HHAT: variants seen among roughly 807,000 people sequenced by gnomAD.
HHAT encodes the protein hedgehog acyltransferase, also known as protein-cysteine N-palmitoyltransferase HHAT.
A neutral mutation model predicts 70.8 loss-of-function variants in HHAT; 47 were observed. The ratio of observed to expected loss-of-function variants is 0.66; its 90% CI spans 0.53 to 0.85. The LOEUF (loss-of-function observed/expected upper bound fraction) is 0.85, where lower values mean the gene tolerates loss of function less well. Among genes scored for constraint, HHAT ranks in the 40% least tolerant of loss-of-function variants. The pLI is 0.00. For synonymous variants in HHAT, 228 were observed against 247.6 expected (o/e 0.92, Z 0.74); for missense variants, 609 against 604.8 (o/e 1.01, Z -0.07).
At chr1:210,569,750 G>A (rs1655770265) in intron 9 of HHAT, among the ~76,000 whole-genome samples, 1 of 151,996 alleles carries the variant, frequency 6.6e-6, no homozygotes, top group African/African-American at 2.4e-5. Context: ...CCTGTCCCTG[G>A]GAGCCACCCC....
chr1:210,380,725 T>G (rs2090569356), intron 3 of HHAT, among the ~76,000 whole-genome samples: 1 of 152,060 alleles, frequency 6.6e-6, no homozygotes, highest in African/African-American at 2.4e-5. Flanking sequence ...AGATATGTCC[T>G]CATTCACATG....
chr1:210,541,695 A>G (rs1236392892), intron 9 of HHAT, among the ~76,000 whole-genome samples: 1 of 152,138 alleles, frequency 6.6e-6, no homozygotes, highest in Non-Finnish European at 1.5e-5. Flanking sequence ...CCACTGCACT[A>G]CAGCCTGGGT....
At chr1:210,591,039 C>T (rs1661586848) in intron 10 of HHAT, among the ~76,000 whole-genome samples, 1 of 152,120 alleles carries the variant, frequency 6.6e-6, no homozygotes, top group Non-Finnish European at 1.5e-5. Flanking sequence ...TATCCATCAT[C>T]TCAAGCATCT....
At chr1:210,454,135 G>T (rs895233988) in intron 7 of HHAT, among the ~76,000 whole-genome samples, 1 of 152,206 alleles carries the variant, frequency 6.6e-6, no homozygotes, top group Non-Finnish European at 1.5e-5. Context: ...GGTTCCTCCT[G>T]CAACACATGG....
chr1:210,659,603 G>C (rs1041629901), intron 11 of HHAT, among the ~76,000 whole-genome samples: 1 of 152,306 alleles, frequency 6.6e-6, no homozygotes, highest in African/African-American at 2.4e-5. Flanking sequence ...AAGCCTGCCA[G>C]AGACACAACA....
At chr1:210,353,493 C>T (rs1288800648) in intron 2 of HHAT, among the ~76,000 whole-genome samples, 1 of 135,248 alleles carries the variant, frequency 7.4e-6, no homozygotes, top group East Asian at 2.2e-4. Flanking sequence ...TTGACTATTT[C>T]AGTTTACCAC....
intron 10 of HHAT, among the ~76,000 whole-genome samples, chr1:210,596,000 T>G (rs1234168219): frequency 6.6e-6 from 1 of 152,230 alleles, no homozygotes; most frequent in African/African-American, 2.4e-5. Flanking sequence ...ATTTTGGCTT[T>G]TGTTGCCATT....
chr1:210,437,687 G>T (rs1361962038), intron 7 of HHAT, among the ~76,000 whole-genome samples: 2 of 151,754 alleles, frequency 1.3e-5, no homozygotes, highest in African/African-American at 2.4e-5. Context: ...AGACTGCCGG[G>T]CCCTTTTGTT....
At chr1:210,337,877 C>T in intron 1 of HHAT, among the ~76,000 whole-genome samples, 2 of 152,334 alleles carry the variant, frequency 1.3e-5, no homozygotes. Flanking sequence ...AAAGAGCACA[C>T]TTCCTGGTTG....
At chr1:210,369,898 T>G (rs896195848) in intron 3 of HHAT, 5 of 152,112 alleles carry the variant, frequency 3.3e-5, no homozygotes, top group African/African-American at 1.2e-4. Context: ...AGGGGATAGA[T>G]CGTAAAGGCC....
intron 11 of HHAT, among the ~76,000 whole-genome samples, chr1:210,644,208 C>A (rs1673556763): frequency 6.6e-6 from 1 of 152,186 alleles, no homozygotes; most frequent in Non-Finnish European, 1.5e-5. Context: ...ACTCTCAGAC[C>A]AATGCTCATT....
chr1:210,449,377 C>T (rs187726623), intron 7 of HHAT, among the ~76,000 whole-genome samples: 1 of 152,054 alleles, frequency 6.6e-6, no homozygotes, highest in Admixed American at 6.5e-5. Context: ...TAAAGTCGTG[C>T]TTCGTGGCTG....
chr1:210,602,137 G>A (rs114709178), intron 10 of HHAT, among the ~76,000 whole-genome samples: 2,014 of 152,190 alleles, frequency 0.013, 53 homozygotes, highest in African/African-American at 0.046. Flanking sequence ...GAGAGGAAGT[G>A]GTCCACGGTG....
rs1353281492 is a variant in HHAT at position 210,674,557 on chromosome 1, A to C, written c.*178A>C. ...AAAATTCACAGCCAGACAATCTTCTAATCTGGAGTCTTTGAGATCTTCTAC... is the reference window on the plus strand; with the variant it reads ...AAAATTCACAGCCAGACAATCTTCTCATCTGGAGTCTTTGAGATCTTCTAC... On this transcript the variant is annotated 3_prime_UTR_variant, in exon 12 of 12. Transcript: ENST00000261458. The C allele has an allele frequency of 1.9e-5, 11 of 579,310 alleles. No homozygotes were observed. The highest frequency in any genetic ancestry group is 3.4e-5 in the Non-Finnish European group (11 of 326,176). 35.9% of individuals were successfully genotyped at this position (579,310 alleles called of 1,614,324 possible).
intron 3 of HHAT, among the ~76,000 whole-genome samples, chr1:210,371,025 G>A (rs1571946024): frequency 6.6e-6 from 1 of 152,286 alleles, no homozygotes; most frequent in Admixed American, 6.5e-5. Context: ...TACATGTCAG[G>A]AAGAAAATCT....
At chr1:210,534,218 G>A (rs2095346140) in intron 9 of HHAT, among the ~76,000 whole-genome samples, 1 of 152,168 alleles carries the variant, frequency 6.6e-6, no homozygotes, top group South Asian at 2.1e-4. Context: ...TCCTGGCTCT[G>A]ATGGCTCACG....
At chr1:210,374,083 C>T (rs1013387280) in intron 3 of HHAT, 8 of 152,138 alleles carry the variant, frequency 5.3e-5, no homozygotes, top group Admixed American at 1.3e-4. Context: ...CAAACAGTGA[C>T]AATGAATCAC....
intron 3 of HHAT, among the ~76,000 whole-genome samples, chr1:210,366,427 G>C (rs1333862445): frequency 6.6e-6 from 1 of 152,144 alleles, no homozygotes; most frequent in Non-Finnish European, 1.5e-5. Context: ...GTCAGGAGTA[G>C]CCTGGCCAAC....
intron 10 of HHAT, among the ~76,000 whole-genome samples, chr1:210,611,599 C>T (rs1413007554): frequency 6.6e-6 from 1 of 152,014 alleles, no homozygotes; most frequent in Non-Finnish European, 1.5e-5. Context: ...TCAAGAGGAA[C>T]AGTTTCTGCT....
Sources: allele counts gnomAD v4.1 joint callset (sites outside exome capture counted in the v4.1 genomes callset), GRCh38; gene constraint gnomAD v4.1.1; transcripts MANE v1.5; gene names NCBI Gene and HGNC (gene_info 2026-07-23, HGNC 2026-07-21).